Variants in PDE3A observed in about 807,000 individuals in gnomAD.
The protein encoded by PDE3A is cGMP-inhibited 3',5'-cyclic phosphodiesterase 3A.
Under a neutral mutation model 98.3 loss-of-function variants are expected in PDE3A, and 43 were observed. That is an observed-to-expected ratio of 0.44 (90% CI 0.34 to 0.56). PDE3A has a LOEUF of 0.56. Ranked by LOEUF, PDE3A falls within the 20% of genes least tolerant of loss-of-function variation. The pLI, the probability that PDE3A is intolerant of heterozygous loss-of-function variation, is 0.01. For synonymous variants in PDE3A, 663 were observed against 567.9 expected (o/e 1.17, Z -2.38); for missense variants, 1,427 against 1,440.7 (o/e 0.99, Z 0.15).
chr12:20,575,763 T>A (rs1284415773), intron 2 of PDE3A, among the ~76,000 whole-genome samples: 1 of 145,932 alleles, frequency 6.9e-6, no homozygotes, highest in Non-Finnish European at 1.5e-5. Flanking sequence ...CATCCTCCTA[T>A]TTTTTTTTAA....
chr12:20,421,598 TAA>T (rs35898103), intron 1 of PDE3A, among the ~76,000 whole-genome samples: 10 of 114,986 alleles, frequency 8.7e-5, no homozygotes, highest in Non-Finnish European at 1.1e-4. Flanking sequence ...TTATTGGTAA[TAA>T]AAAAAAAAAA....
intron 1 of PDE3A, among the ~76,000 whole-genome samples, chr12:20,513,344 C>T (rs973066065): frequency 6.6e-6 from 1 of 152,098 alleles, no homozygotes; most frequent in African/African-American, 2.4e-5. Flanking sequence ...AAAATATTGT[C>T]TATTTCATAA....
intron 1 of PDE3A, among the ~76,000 whole-genome samples, chr12:20,405,885 T>C (rs1944223325): frequency 6.6e-6 from 1 of 152,202 alleles, no homozygotes. Flanking sequence ...AACATCTCCC[T>C]ATTCCCTCCA....
intron 1 of PDE3A, among the ~76,000 whole-genome samples, chr12:20,439,982 T>C (rs2120838328): frequency 6.6e-6 from 1 of 152,318 alleles, no homozygotes; most frequent in Middle Eastern, 3.4e-3. Context: ...TAAGTTGATA[T>C]CAACTTTCAA....
At chr12:20,450,119 G>GA (rs1480738989) in intron 1 of PDE3A, 1 of 456,406 alleles carries the variant, frequency 2.2e-6, no homozygotes, top group African/African-American at 2.0e-5. Context: ...TCCTTTCCCA[G>GA]AATGCATCGC....
intron 1 of PDE3A, among the ~76,000 whole-genome samples, chr12:20,508,326 C>G (rs1946154833): frequency 6.6e-6 from 1 of 151,902 alleles, no homozygotes; most frequent in African/African-American, 2.4e-5. Context: ...TTATGATACT[C>G]TAAAGCACTC....
At chr12:20,537,821 G>T (rs1941786726) in intron 1 of PDE3A, among the ~76,000 whole-genome samples, 1 of 149,210 alleles carries the variant, frequency 6.7e-6, no homozygotes, top group Non-Finnish European at 1.5e-5. Flanking sequence ...AGTTTTACCT[G>T]GCTTGTAGGA....
intron 1 of PDE3A, among the ~76,000 whole-genome samples, chr12:20,393,254 T>A (rs1195242137): frequency 6.6e-6 from 1 of 151,934 alleles, no homozygotes; most frequent in Non-Finnish European, 1.5e-5. Context: ...CTCACAATCA[T>A]GGCAGAAGGC....
intron 8 of PDE3A, 126 bp downstream of exon 8, chr12:20,635,182 A>G (rs1330207426): frequency 2.5e-6 from 2 of 786,560 alleles, no homozygotes; most frequent in Non-Finnish European, 4.0e-6. Context: ...ACATTTTGGG[A>G]GGACGAAGCG....
At chr12:20,418,359 C>T (rs2120742134) in intron 1 of PDE3A, among the ~76,000 whole-genome samples, 1 of 152,264 alleles carries the variant, frequency 6.6e-6, no homozygotes, top group East Asian at 1.9e-4. Context: ...TTGAGGAATG[C>T]AGATGACTGA....
intron 2 of PDE3A, among the ~76,000 whole-genome samples, chr12:20,581,003 C>T (rs1341961891): frequency 6.6e-6 from 1 of 152,120 alleles, no homozygotes; most frequent in Non-Finnish European, 1.5e-5. Context: ...GTTTCACTAT[C>T]AAGAAAATTA....
intron 1 of PDE3A, among the ~76,000 whole-genome samples, chr12:20,547,114 G>C (rs1480362650): frequency 1.3e-5 from 2 of 151,912 alleles, no homozygotes; most frequent in East Asian, 3.9e-4. Flanking sequence ...ATTTCCCCCA[G>C]GTTTGTGTGT....
At chr12:20,465,399 T>A (rs1030685971) in intron 1 of PDE3A, among the ~76,000 whole-genome samples, 1 of 151,886 alleles carries the variant, frequency 6.6e-6, no homozygotes, top group Non-Finnish European at 1.5e-5. Context: ...AAAAATTTAT[T>A]TATTTTATTT....
chr12:20,631,267 G>A (rs143808374), intron 6 of PDE3A, among the ~76,000 whole-genome samples: 5,964 of 152,180 alleles, frequency 0.039, 196 homozygotes, highest in Non-Finnish European at 0.057. Context: ...TTCCACAAAA[G>A]AGCAAGTTCT....
intron 15 of PDE3A, among the ~76,000 whole-genome samples, chr12:20,660,381 T>A (rs1945137884): frequency 6.6e-6 from 1 of 152,170 alleles, no homozygotes; most frequent in Non-Finnish European, 1.5e-5. Flanking sequence ...GATATAAAGA[T>A]ACCCAAAATT....
At chr12:20,408,512 C>G (rs1944274994) in intron 1 of PDE3A, among the ~76,000 whole-genome samples, 1 of 152,150 alleles carries the variant, frequency 6.6e-6, no homozygotes. Context: ...TTGACTGAAG[C>G]TAACTTTAAC....
At chr12:20,422,275 T>C (rs926919454) in intron 1 of PDE3A, among the ~76,000 whole-genome samples, 4 of 151,386 alleles carry the variant, frequency 2.6e-5, no homozygotes, top group South Asian at 2.1e-4. Context: ...ACCCGGGAAG[T>C]GGAGCTTGCA....
chr12:20,516,733 C>T (rs1321491537), intron 1 of PDE3A, among the ~76,000 whole-genome samples: 1 of 152,084 alleles, frequency 6.6e-6, no homozygotes, highest in Non-Finnish European at 1.5e-5. Context: ...AAAAATCAAA[C>T]GTTTTTATTT....
At chr12:20,532,789 C>G (rs1022211550) in intron 1 of PDE3A, among the ~76,000 whole-genome samples, 1 of 151,268 alleles carries the variant, frequency 6.6e-6, no homozygotes, top group African/African-American at 2.4e-5. Flanking sequence ...CCCGGGTTCA[C>G]GCCATTCTCC....
Sources: allele counts gnomAD v4.1 joint callset (sites outside exome capture counted in the v4.1 genomes callset), GRCh38; gene constraint gnomAD v4.1.1; transcripts MANE v1.5; gene names NCBI Gene and HGNC (gene_info 2026-07-23, HGNC 2026-07-21).